The following PALM2AKAP2 variants were observed in gnomAD, a reference collection of about 807,000 sequenced individuals.
The protein encoded by PALM2AKAP2 is PALM2-AKAP2 fusion protein.
PALM2AKAP2 carries 37 observed loss-of-function variants against 71.5 expected under a neutral mutation model. The ratio of observed to expected loss-of-function variants is 0.52; its 90% confidence interval spans 0.40 to 0.68. The LOEUF is 0.68. PALM2AKAP2 is among the 30% of genes least tolerant of loss of function. The pLI is 0.00. For missense variants in PALM2AKAP2, 1,224 were observed against 1,191.8 expected (o/e 1.03, Z -0.40); for synonymous variants, 468 against 478.8 (o/e 0.98, Z 0.29).
At chr9:110,026,608 C>T (rs139777245) in intron 7 of PALM2AKAP2, among the ~76,000 whole-genome samples, 3 of 152,300 alleles carry the variant, frequency 2.0e-5, no homozygotes, top group Non-Finnish European at 4.4e-5. Flanking sequence ...TCAACCAAAA[C>T]TCTCTACCCA....
rs1327783 is a variant in PALM2AKAP2, at chr9:109,806,476, G to A, written c.45+25943G>A. Among the ~76,000 whole-genome samples, 372 of 152,282 alleles carry A rather than the reference G, an allele frequency of 2.4e-3. 3 individuals are homozygous for A. Among genetic ancestry groups the A allele is most frequent in the East Asian group, 0.011 (58 of 5,186 alleles). ...AGCTTGCATTCTGGTGGGAGACTAG[G>A]GAAGAATAATTTATGAATAAACTAT... On this transcript the variant is annotated intron_variant, in intron 1 of 9. Transcript: ENST00000302798.
chr9:110,014,687 C>A (rs1832940590), intron 6 of PALM2AKAP2, among the ~76,000 whole-genome samples: 1 of 147,762 alleles, frequency 6.8e-6, no homozygotes, highest in African/African-American at 2.5e-5. Context: ...GCCAGAGAAT[C>A]ACTTGAACCT....
intron 6 of PALM2AKAP2, among the ~76,000 whole-genome samples, chr9:110,002,940 T>C (rs1450877483): frequency 6.6e-6 from 1 of 152,200 alleles, no homozygotes; most frequent in Non-Finnish European, 1.5e-5. Flanking sequence ...TTATTAGTCT[T>C]GCTAGCGGTC....
chr9:109,892,506 A>G (rs190052315), intron 3 of PALM2AKAP2, among the ~76,000 whole-genome samples: 2 of 152,288 alleles, frequency 1.3e-5, no homozygotes, highest in African/African-American at 2.4e-5. Flanking sequence ...TCAGTGTACT[A>G]TATCTGAGTG....
In PALM2AKAP2 at chr9:110,130,926, A is replaced by G. The variant is rs191995409; in HGVS notation, c.157-5201A>G. Among the ~76,000 whole-genome samples, 13 of 152,296 alleles carry G rather than the reference A, an allele frequency of 8.5e-5. No individual in the cohort carries two copies. In the East Asian group the frequency reaches 2.3e-3, roughly 27 times the overall value. On this transcript the variant is annotated intron_variant, in intron 1 of 3. Coordinates refer to ENST00000374525, the Ensembl canonical transcript of PALM2AKAP2. ...TGCTAATTGACAGGCCACTAATTTC[A>G]CTAATGAAAACCTATTTCTCACCTT...
chr9:109,762,013 C>T (rs1016081738), intron 1 of PALM2AKAP2, among the ~76,000 whole-genome samples: 1 of 152,074 alleles, frequency 6.6e-6, no homozygotes, highest in Non-Finnish European at 1.5e-5. Context: ...GTTAGAATGG[C>T]AATCATTAAA....
At chr9:109,674,955 C>T (rs371933318) in intron 1 of PALM2AKAP2, among the ~76,000 whole-genome samples, 4 of 151,958 alleles carry the variant, frequency 2.6e-5, no homozygotes, top group African/African-American at 9.7e-5. Context: ...TATAACCACT[C>T]TGTTTTTCAC....
chr9:109,861,118 G>T (rs539202865), intron 1 of PALM2AKAP2, among the ~76,000 whole-genome samples: 1 of 152,324 alleles, frequency 6.6e-6, no homozygotes, highest in South Asian at 2.1e-4. Context: ...CTAGAATGGG[G>T]GTTCAGTGGA....
intron 1 of PALM2AKAP2, among the ~76,000 whole-genome samples, chr9:110,106,131 A>G (rs475404): frequency 0.96 from 145,483 of 152,316 alleles, 69,537 homozygotes; most frequent in East Asian, 1. Context: ...TTGCATTGGT[A>G]AGAGTTGGCT....
At chr9:109,830,000 T>C (rs1382466485) in intron 1 of PALM2AKAP2, among the ~76,000 whole-genome samples, 1 of 152,178 alleles carries the variant, frequency 6.6e-6, no homozygotes, top group Non-Finnish European at 1.5e-5. Flanking sequence ...AGGTGGGAGA[T>C]GCATGAATTA....
At chr9:109,976,849 T>C (rs1666243440) in intron 6 of PALM2AKAP2, among the ~76,000 whole-genome samples, 1 of 152,134 alleles carries the variant, frequency 6.6e-6, no homozygotes, top group Non-Finnish European at 1.5e-5. Flanking sequence ...ATACAGATAG[T>C]AAGTGGCTGA....
exon 6 of PALM2AKAP2, chr9:109,931,982 A>G (rs139241824): frequency 2.0e-5 from 32 of 1,614,000 alleles, no homozygotes; most frequent in Non-Finnish European, 2.6e-5. Flanking sequence ...TCTGTTCACG[A>G]ACAGCAGAAC....
chr9:109,650,041 C>T (rs920534298), intron 1 of PALM2AKAP2, among the ~76,000 whole-genome samples: 2 of 152,202 alleles, frequency 1.3e-5, no homozygotes, highest in Non-Finnish European at 2.9e-5. Context: ...TCCTACATCT[C>T]TTGCCTTGAG....
chr9:110,051,420 C>G (rs1833707198), intron 1 of PALM2AKAP2, among the ~76,000 whole-genome samples: 1 of 152,196 alleles, frequency 6.6e-6, no homozygotes, highest in African/African-American at 2.4e-5. Context: ...AATGCAAACA[C>G]TTTGGTCTTT....
intron 6 of PALM2AKAP2, among the ~76,000 whole-genome samples, chr9:110,014,328 G>T (rs928942847): frequency 6.6e-6 from 1 of 151,982 alleles, no homozygotes; most frequent in Non-Finnish European, 1.5e-5. Context: ...AATACATTAG[G>T]TTATGAGCAC....
intron 6 of PALM2AKAP2, among the ~76,000 whole-genome samples, chr9:109,978,776 A>G (rs1040538664): frequency 2.0e-5 from 3 of 152,156 alleles, no homozygotes; most frequent in Middle Eastern, 3.4e-3. Context: ...TTCGTTGGCC[A>G]TCTTAAGCTG....
At chr9:109,903,864 A>G (rs577658011) in intron 3 of PALM2AKAP2, among the ~76,000 whole-genome samples, 5 of 152,160 alleles carry the variant, frequency 3.3e-5, no homozygotes, top group African/African-American at 9.6e-5. Flanking sequence ...CCTTGAAGCC[A>G]ATAATCAACA....
chr9:109,803,830 C>T (rs1249741932), intron 1 of PALM2AKAP2, among the ~76,000 whole-genome samples: 2 of 152,202 alleles, frequency 1.3e-5, no homozygotes. Flanking sequence ...TGGGTATGTG[C>T]TCCTGCAGAG....
At chr9:109,661,392 T>A (rs1827393487) in intron 1 of PALM2AKAP2, among the ~76,000 whole-genome samples, 1 of 152,218 alleles carries the variant, frequency 6.6e-6, no homozygotes, top group South Asian at 2.1e-4. Flanking sequence ...GACTAGCCAG[T>A]TTTCCCAGCA....
Sources: gnomAD v4.1 joint callset for allele counts (sites outside exome capture counted in the v4.1 genomes callset) on GRCh38, gnomAD v4.1.1 for gene constraint, MANE v1.5 for transcripts, NCBI Gene and HGNC (gene_info 2026-07-23, HGNC 2026-07-21) for gene names.